MACROD1: variants seen among roughly 807,000 people sequenced by gnomAD.
The protein encoded by MACROD1 is mono-ADP ribosylhydrolase 1.
A neutral mutation model predicts 41.4 loss-of-function variants in MACROD1; 31 were observed. That is an observed-to-expected ratio of 0.75 (90% CI 0.56 to 1.01). The LOEUF is 1.01. MACROD1 is among the 50% of genes least tolerant of loss of function. MACROD1 has a pLI of 0.00. For synonymous variants in MACROD1, 252 were observed against 203.4 expected (o/e 1.24, Z -2.03); for missense variants, 473 against 460.0 (o/e 1.03, Z -0.26).
chr11:64,120,068 C>T lies in MACROD1; in HGVS notation c.517+31171G>A, dbSNP rs983976825. On this transcript the variant is annotated intron_variant, in intron 3 of 10. Transcript: ENST00000255681. The surrounding 1 kb of genome is among the most constrained non-coding windows in gnomAD (Gnocchi z 4.5). ...GCTATTTTCAAACGGCCTCCACCAC[C>T]GTGCGAAAAGCAAAGGCAGAAGCAG... Among the ~76,000 whole-genome samples, 3 of 152,288 alleles carry T rather than the reference C, an allele frequency of 2.0e-5. No individual in the cohort carries two copies. Among genetic ancestry groups the T allele is most frequent in the Non-Finnish European group, 2.9e-5 (2 of 68,024 alleles).
At chr11:64,080,293 G>A (rs980210118) in intron 3 of MACROD1, among the ~76,000 whole-genome samples, 8 of 152,206 alleles carry the variant, frequency 5.3e-5, no homozygotes, top group Admixed American at 2.0e-4. Flanking sequence ...GATTACAGAC[G>A]TGAGCCACTG....
intron 3 of MACROD1, among the ~76,000 whole-genome samples, chr11:64,033,476 T>C (rs1943320397): frequency 6.6e-6 from 1 of 151,714 alleles, no homozygotes; most frequent in East Asian, 2.0e-4. Context: ...AGCCTCAACC[T>C]CCTGGGCTCA....
At position 63,999,025 on chromosome 11, in the gene MACROD1, C is replaced by T; in HGVS notation, c.903G>A (p.Leu301=). ...LEQHKDKVDR[L]IICVFLEKDE... Reference sequence around the variant, plus strand: ...CCTTCTCGAGGAACACGCAGATGATCAGCCGGTCCACCTGCGCCAGGGGCT... The same window carrying T: ...CCTTCTCGAGGAACACGCAGATGATTAGCCGGTCCACCTGCGCCAGGGGCT... Residue 301 remains leucine (L), a synonymous_variant, in exon 9 of 11, where the codon CTG becomes CTA. Coordinates refer to ENST00000255681, the MANE Select transcript of MACROD1 (RefSeq NM_014067.4). The T allele has an allele frequency of 6.2e-7, 1 of 1,604,766 alleles. No homozygotes were observed. The highest frequency in any genetic ancestry group is 1.7e-5 in the Admixed American group (1 of 59,062).
intron 3 of MACROD1, among the ~76,000 whole-genome samples, chr11:64,065,426 CAG>C (rs1342500423): frequency 6.6e-6 from 1 of 152,294 alleles, no homozygotes; most frequent in East Asian, 1.9e-4. Context: ...CGCTCCAAAA[CAG>C]AACATTTACT....
At chr11:64,141,201 C>T (rs1362619937) in intron 3 of MACROD1, among the ~76,000 whole-genome samples, 6 of 152,070 alleles carry the variant, frequency 3.9e-5, no homozygotes, top group East Asian at 1.9e-4. Context: ...GGTGAGGAGA[C>T]GGGGCCTGGG....
At chr11:64,161,379 A>C (rs754782553) in intron 1 of MACROD1, among the ~76,000 whole-genome samples, 7 of 152,186 alleles carry the variant, frequency 4.6e-5, no homozygotes, top group Non-Finnish European at 8.8e-5. Context: ...TCCAGACAGT[A>C]CCAAGTGAAA....
intron 3 of MACROD1, among the ~76,000 whole-genome samples, chr11:64,041,175 G>C (rs1252699531): frequency 1.1e-5 from 1 of 90,318 alleles, no homozygotes; most frequent in Non-Finnish European, 1.9e-5. Context: ...GTTGGCACCA[G>C]ATTACAACAG....
chr11:64,039,561 G>A (rs528905995), intron 3 of MACROD1, among the ~76,000 whole-genome samples: 5 of 152,288 alleles, frequency 3.3e-5, no homozygotes, highest in African/African-American at 1.2e-4. Flanking sequence ...GGGGCAGACT[G>A]GATGGCCGGG....
chr11:64,016,652 A>G (rs1353908038), intron 3 of MACROD1, among the ~76,000 whole-genome samples: 2 of 152,232 alleles, frequency 1.3e-5, no homozygotes, highest in Admixed American at 6.5e-5. Flanking sequence ...AATTAATTCC[A>G]CCGCCCAAAA....
rs190392363 is a variant in MACROD1 at position 64,074,160 on chromosome 11, G to A, written c.518-58879C>T. ...CACAAGTAGACATGAAGCTGGCTCAGGGCAATGGTCTCCTTTTATGATGGG... is the reference window on the plus strand; with the variant it reads ...CACAAGTAGACATGAAGCTGGCTCAAGGCAATGGTCTCCTTTTATGATGGG... On this transcript the variant is annotated intron_variant, in intron 3 of 10. Transcript: ENST00000255681. 3.3e-5 allele frequency among the ~76,000 whole-genome samples: 5 copies of A among 152,370 alleles called. No individual in the cohort carries two copies. In the East Asian group the frequency reaches 9.7e-4, roughly 29 times the overall value.
At chr11:64,148,458 G>A (rs775212843) in intron 3 of MACROD1, among the ~76,000 whole-genome samples, 2 of 152,168 alleles carry the variant, frequency 1.3e-5, no homozygotes, top group South Asian at 2.1e-4. Flanking sequence ...TGTGACCCAC[G>A]GCGTTCTCCA....
intron 3 of MACROD1, among the ~76,000 whole-genome samples, chr11:64,137,209 G>A (rs1741883355): frequency 6.6e-6 from 1 of 152,200 alleles, no homozygotes; most frequent in Admixed American, 6.5e-5. Flanking sequence ...AGCAAGACAA[G>A]AGGCCCAGAG....
chr11:64,141,637 C>T (rs1371122176), intron 3 of MACROD1, among the ~76,000 whole-genome samples: 2 of 152,222 alleles, frequency 1.3e-5, no homozygotes, highest in Admixed American at 6.5e-5. Context: ...AAAACACACA[C>T]ATTCCCACAA....
intron 4 of MACROD1, chr11:64,001,335 C>A: frequency 1.5e-6 from 1 of 666,954 alleles, no homozygotes. Context: ...CGCGTGCTGG[C>A]CGGGAGGACA....
rs920058263 is a variant in MACROD1, at chr11:64,064,305, C to T, written c.518-49024G>A. On this transcript the variant is annotated intron_variant, in intron 3 of 10. Coordinates refer to ENST00000255681, the MANE Select transcript of MACROD1 (RefSeq NM_014067.4). The surrounding 1 kb of genome is among the most constrained non-coding windows in gnomAD (Gnocchi z 4.5). ...TCCACGTGCAGCCCTGTTCAGGCGG[C>T]GGGTAGGGGGGTGATGTCTCATCAG... 1.1e-4 allele frequency among the ~76,000 whole-genome samples: 16 copies of T among 152,158 alleles called. No homozygotes were observed. The highest frequency in any genetic ancestry group is 1.3e-4 in the Admixed American group (2 of 15,290).
intron 3 of MACROD1, among the ~76,000 whole-genome samples, chr11:64,109,293 A>G (rs1944818841): frequency 6.6e-6 from 1 of 152,150 alleles, no homozygotes; most frequent in South Asian, 2.1e-4. Flanking sequence ...GCCATAAGCC[A>G]CCACGAGGGG....
intron 4 of MACROD1, among the ~76,000 whole-genome samples, chr11:64,003,386 T>A (rs770556785): frequency 2.0e-4 from 31 of 152,130 alleles, no homozygotes; most frequent in Non-Finnish European, 4.1e-4. Flanking sequence ...CCCAGCTGAT[T>A]TTTTGTATTT....
At chr11:64,158,529 C>T (rs1376680420) in intron 1 of MACROD1, among the ~76,000 whole-genome samples, 1 of 152,168 alleles carries the variant, frequency 6.6e-6, no homozygotes, top group Non-Finnish European at 1.5e-5. Context: ...AGGCGTGAGC[C>T]ACCACGCCTG....
At position 64,120,956 on chromosome 11, in the gene MACROD1, C is replaced by G. The variant is rs1425987796; in HGVS notation, c.517+30283G>C. Among the ~76,000 whole-genome samples the G allele has an allele frequency of 6.6e-6, 1 of 152,200 alleles. No homozygotes were observed. Among genetic ancestry groups the G allele is most frequent in the Non-Finnish European group, 1.5e-5 (1 of 68,024 alleles). On this transcript the variant is annotated intron_variant, in intron 3 of 10. Transcript: ENST00000255681. This position sits in a 1 kb window ranked among gnomAD's most constrained non-coding sequence, Gnocchi z 4.5. ...CACCTCACCTAGGTCCCCCTGTCTC[C>G]TCTCCCCACCCTAGACAGGTCAGGT...
Sources: gnomAD v4.1 joint callset for allele counts (sites outside exome capture counted in the v4.1 genomes callset) on GRCh38, gnomAD v4.1.1 for gene constraint, Gnocchi (gnomAD v3.1) non-coding constraint, MANE v1.5 for transcripts, NCBI Gene and HGNC (gene_info 2026-07-23, HGNC 2026-07-21) for gene names.